FYB1: variants seen among roughly 807,000 people sequenced by gnomAD.
FYB1 encodes FYN-binding protein 1.
FYB1 carries 41 observed loss-of-function variants against 94.1 expected under a neutral mutation model. The ratio of observed to expected loss-of-function variants is 0.44; its 90% confidence interval spans 0.34 to 0.57. The LOEUF (loss-of-function observed/expected upper bound fraction) is 0.57, where lower values mean the gene tolerates loss of function less well. FYB1 is among the 20% of genes least tolerant of loss of function. The pLI is 0.02. For synonymous variants in FYB1, 367 were observed against 353.2 expected, an observed-to-expected ratio of 1.04 and a Z score of -0.44; for missense variants, 1,050 against 976.8, an observed-to-expected ratio of 1.07 and a Z score of -1.00.
intron 14 of FYB1, among the ~76,000 whole-genome samples, chr5:39,120,395 A>G (rs1375866210): frequency 6.6e-6 from 1 of 152,156 alleles, no homozygotes; most frequent in Non-Finnish European, 1.5e-5. Flanking sequence ...TTTTGTAGAT[A>G]CCAATTATCC....
chr5:39,184,805 G>A (rs190655037), intron 2 of FYB1, among the ~76,000 whole-genome samples: 3 of 152,118 alleles, frequency 2.0e-5, no homozygotes, highest in Admixed American at 1.3e-4. Context: ...TCACTTGTTG[G>A]ATACAGGTTT....
At chr5:39,180,119 T>C (rs1746082203) in intron 2 of FYB1, among the ~76,000 whole-genome samples, 2 of 152,268 alleles carry the variant, frequency 1.3e-5, no homozygotes, top group Admixed American at 6.5e-5. Flanking sequence ...ATTCCTGAGG[T>C]CTACAACAAT....
intron 1 of FYB1, among the ~76,000 whole-genome samples, chr5:39,224,629 G>C (rs1288632296): frequency 6.6e-6 from 1 of 152,152 alleles, no homozygotes; most frequent in Non-Finnish European, 1.5e-5. Flanking sequence ...GATGAGAATG[G>C]ACTGTGTAGG....
intron 1 of FYB1, among the ~76,000 whole-genome samples, chr5:39,264,466 T>TA (rs1752346722): frequency 6.6e-6 from 1 of 152,222 alleles, no homozygotes; most frequent in Non-Finnish European, 1.5e-5. Flanking sequence ...CCAAATGGAC[T>TA]AAGGCAGCCT....
intron 2 of FYB1, among the ~76,000 whole-genome samples, chr5:39,182,839 T>C (rs1746383856): frequency 6.6e-6 from 1 of 152,236 alleles, no homozygotes. Context: ...TTTCCATTTG[T>C]TGTTATTATT....
chr5:39,174,313 C>G (rs1322938319), intron 2 of FYB1, among the ~76,000 whole-genome samples: 1 of 152,118 alleles, frequency 6.6e-6, no homozygotes, highest in East Asian at 1.9e-4. Context: ...TGGGCCTATC[C>G]TATATCACTT....
Position 39,219,511 on chromosome 5 carries a change from C to T in FYB1, c.-96G>A, listed in dbSNP as rs1325895020. ...GATCTTCCTGGGCCAGGGTCTGGGC[C>T]CTACTCACTTCTAGCTGTCGCATCT... On this transcript the variant is annotated 5_prime_UTR_variant, in exon 1 of 19. Transcript: ENST00000512982. 2 of 985,438 alleles carry T rather than the reference C, an allele frequency of 2.0e-6. No individual in the cohort carries two copies. The highest frequency in any genetic ancestry group is 4.7e-5 in the South Asian group (1 of 21,290). 61.0% of individuals were successfully genotyped at this position (985,438 alleles called of 1,614,324 possible).
chr5:39,261,685 T>C (rs1302849548), intron 1 of FYB1, among the ~76,000 whole-genome samples: 1 of 152,122 alleles, frequency 6.6e-6, no homozygotes, highest in African/African-American at 2.4e-5. Flanking sequence ...AGGCGGAGAT[T>C]GCAGTGAGCA....
chr5:39,138,616 T>A (rs1428955609), intron 6 of FYB1, 41 bp downstream of exon 6: 1 of 1,277,220 alleles, frequency 7.8e-7, no homozygotes, highest in Admixed American at 1.9e-5. Context: ...ATTATATTCA[T>A]CTTTGAAGAA....
intron 14 of FYB1, among the ~76,000 whole-genome samples, chr5:39,120,224 T>TTGTGTG (rs10532379): frequency 4.1e-5 from 6 of 147,720 alleles, no homozygotes; most frequent in East Asian, 4.0e-4. Flanking sequence ...CCTTTATCAA[T>TTGTGTG]TGTGTGTGTG....
intron 2 of FYB1, among the ~76,000 whole-genome samples, chr5:39,191,192 C>T (rs66782): frequency 0.65 from 98,138 of 152,036 alleles, 32,610 homozygotes; most frequent in Admixed American, 0.73. Flanking sequence ...CTAATCATAT[C>T]GCCACACAGG....
At chr5:39,259,363 G>C (rs1323032676) in intron 1 of FYB1, among the ~76,000 whole-genome samples, 2 of 152,338 alleles carry the variant, frequency 1.3e-5, no homozygotes, top group African/African-American at 4.8e-5. Flanking sequence ...GGTTGATTTA[G>C]TAACGAGTAT....
intron 16 of FYB1, among the ~76,000 whole-genome samples, chr5:39,114,039 GA>G (rs993932352): frequency 3.3e-5 from 5 of 149,586 alleles, no homozygotes; most frequent in African/African-American, 7.4e-5. Flanking sequence ...TTTTAAAATT[GA>G]AAAAAAAATT....
chr5:39,157,152 A>C (rs1373286659), intron 2 of FYB1, among the ~76,000 whole-genome samples: 1 of 152,148 alleles, frequency 6.6e-6, no homozygotes, highest in African/African-American at 2.4e-5. Context: ...TGGGTTTCAA[A>C]CTTGGCCAGA....
chr5:39,165,126 T>C (rs940686253), intron 2 of FYB1, among the ~76,000 whole-genome samples: 4 of 152,176 alleles, frequency 2.6e-5, no homozygotes, highest in African/African-American at 9.7e-5. Context: ...TTGCCATTGC[T>C]TACAAAAAAT....
chr5:39,210,307 C>T (rs1264089291), intron 1 of FYB1, among the ~76,000 whole-genome samples: 1 of 152,222 alleles, frequency 6.6e-6, no homozygotes, highest in Non-Finnish European at 1.5e-5. Context: ...GCCAGGTCCC[C>T]TCGGACCTTG....
intron 6 of FYB1, 154 bp from the exon 7 acceptor site, chr5:39,137,874 A>T (rs1741798494): frequency 1.1e-6 from 1 of 949,302 alleles, no homozygotes; most frequent in Non-Finnish European, 1.5e-6. Context: ...GGAATGTGTG[A>T]GATTATTTTT....
intron 1 of FYB1, among the ~76,000 whole-genome samples, chr5:39,226,336 T>C (rs985418396): frequency 1.3e-5 from 2 of 152,136 alleles, no homozygotes; most frequent in Admixed American, 6.5e-5. Context: ...GTTGTCAACA[T>C]GATCTTCCTA....
intron 10 of FYB1, among the ~76,000 whole-genome samples, chr5:39,128,072 A>T (rs749754329): frequency 8.0e-5 from 12 of 149,704 alleles, no homozygotes; most frequent in Non-Finnish European, 1.3e-4. Context: ...AAGTAAACTT[A>T]AATAGGGCAT....
Sources: allele counts gnomAD v4.1 joint callset (sites outside exome capture counted in the v4.1 genomes callset), GRCh38; gene constraint gnomAD v4.1.1; transcripts MANE v1.5; gene names NCBI Gene and HGNC (gene_info 2026-07-23, HGNC 2026-07-21).